WDR20: variants seen among roughly 807,000 people sequenced by gnomAD.
The protein encoded by WDR20 is WD repeat domain 20, also known as WD repeat-containing protein 20.
A neutral mutation model predicts 38.7 loss-of-function variants in WDR20; 3 were observed. That is an observed-to-expected ratio of 0.08 (90% CI 0.04 to 0.20). The LOEUF (loss-of-function observed/expected upper bound fraction) is 0.20. WDR20 is among the 10% of genes least tolerant of loss of function. The pLI is 1.00. For synonymous variants in WDR20, 298 were observed against 285.6 expected, an observed-to-expected ratio of 1.04 and a Z score of -0.44; for missense variants, 559 against 727.7, an observed-to-expected ratio of 0.77 and a Z score of 2.67.
At chr14:102,196,982 C>G (rs988800974) in intron 2 of WDR20, among the ~76,000 whole-genome samples, 1 of 152,140 alleles carries the variant, frequency 6.6e-6, no homozygotes, top group African/African-American at 2.4e-5. Context: ...GTCAGAATGT[C>G]TAAGAGCAAG....
At chr14:102,154,440 G>T (rs2056891382) in intron 1 of WDR20, among the ~76,000 whole-genome samples, 1 of 152,098 alleles carries the variant, frequency 6.6e-6, no homozygotes, top group Non-Finnish European at 1.5e-5. Flanking sequence ...CCATCCATGG[G>T]AGCCACACCA....
intron 1 of WDR20, among the ~76,000 whole-genome samples, chr14:102,161,142 A>ATATATATATT (rs1342924049): frequency 3.7e-4 from 6 of 16,052 alleles, no homozygotes; most frequent in African/African-American, 1.6e-3. Context: ...ATATATATAT[A>ATATATATATT]TTTTTTTTTT....
At chr14:102,181,213 G>T (rs1358137306) in intron 1 of WDR20, among the ~76,000 whole-genome samples, 1 of 152,084 alleles carries the variant, frequency 6.6e-6, no homozygotes. Flanking sequence ...TCATGGCACT[G>T]TGTTATAAAT....
At chr14:102,143,608 A>G (rs940943526) in intron 1 of WDR20, among the ~76,000 whole-genome samples, 2 of 151,662 alleles carry the variant, frequency 1.3e-5, no homozygotes, top group Admixed American at 1.3e-4. Context: ...GCAGTGGCAC[A>G]ATCTCGGCTC....
chr14:102,147,724 TATTTTAGTTTTA>T (rs2054159308), intron 1 of WDR20, among the ~76,000 whole-genome samples: 1 of 152,166 alleles, frequency 6.6e-6, no homozygotes, highest in South Asian at 2.1e-4. Context: ...TGTTTTATTT[TATTTTAGTTTTA>T]GTTTTAGTTT....
intron 2 of WDR20, among the ~76,000 whole-genome samples, chr14:102,202,372 GTTTTTTT>G (rs5811062): frequency 3.0e-5 from 2 of 67,632 alleles, no homozygotes; most frequent in Admixed American, 4.7e-4. Flanking sequence ...CTGTATGGAG[GTTTTTTT>G]TTTTTTTTTT....
chr14:102,172,230 T>G (rs1279791778), intron 1 of WDR20, among the ~76,000 whole-genome samples: 2 of 144,644 alleles, frequency 1.4e-5, no homozygotes, highest in African/African-American at 2.4e-5. Context: ...GGGGGTAAGG[T>G]CACAGATCAA....
intron 1 of WDR20, among the ~76,000 whole-genome samples, chr14:102,187,933 C>T (rs1468753996): frequency 6.6e-6 from 1 of 152,124 alleles, no homozygotes; most frequent in Non-Finnish European, 1.5e-5. Flanking sequence ...GGTCTGCCTG[C>T]ATTAGGCACT....
intron 1 of WDR20, among the ~76,000 whole-genome samples, chr14:102,190,524 C>T (rs573407456): frequency 6.6e-6 from 1 of 151,950 alleles, no homozygotes; most frequent in African/African-American, 2.4e-5. Context: ...ACCCGGGAGG[C>T]AGAGGTTACA....
At position 102,223,125 on chromosome 14, in the gene WDR20, T is replaced by C. The variant is rs1018968431; in HGVS notation, c.*242T>C. On this transcript the variant is annotated 3_prime_UTR_variant, in exon 4 of 4. Coordinates refer to the WDR20 transcript ENST00000335263. Reference sequence around the variant, plus strand: ...GCAGTAAAAAATAAGAAATGGAGTTTTCTTGCTTTTTACTCTAAAATTCAA... The same window carrying C: ...GCAGTAAAAAATAAGAAATGGAGTTCTCTTGCTTTTTACTCTAAAATTCAA... The C allele has an allele frequency of 1.8e-5, 7 of 391,354 alleles. No individual in the cohort carries two copies. In the East Asian group the frequency reaches 3.1e-4, roughly 17 times the overall value. 24.2% of individuals were successfully genotyped at this position (391,354 alleles called of 1,614,324 possible). A position where few individuals can be genotyped will look rare whatever the true frequency, so the allele number is the denominator to read the frequency against.
intron 1 of WDR20, among the ~76,000 whole-genome samples, chr14:102,166,912 T>C (rs895465414): frequency 2.0e-5 from 3 of 152,216 alleles, no homozygotes; most frequent in Admixed American, 2.0e-4. Flanking sequence ...CTGGGCACTG[T>C]ACAGCCTCTG....
At chr14:102,211,714 C>T (rs1196438673), downstream of WDR20, among the ~76,000 whole-genome samples, 2 of 152,188 alleles carry the variant, frequency 1.3e-5, no homozygotes, top group Non-Finnish European at 2.9e-5. This position sits in a 1 kb window ranked among gnomAD's most constrained non-coding sequence, Gnocchi z 4.2. Context: ...CAAATTGGGT[C>T]ATGTGGAGAG....
intron 1 of WDR20, among the ~76,000 whole-genome samples, chr14:102,143,601 G>A (rs2052332684): frequency 6.6e-6 from 1 of 151,394 alleles, no homozygotes; most frequent in Non-Finnish European, 1.5e-5. Context: ...GTGGAGTGCA[G>A]TGGCACAATC....
At chr14:102,184,270 T>A (rs2064034105) in intron 1 of WDR20, among the ~76,000 whole-genome samples, 1 of 152,214 alleles carries the variant, frequency 6.6e-6, no homozygotes, top group African/African-American at 2.4e-5. Flanking sequence ...TGCCTTGCGA[T>A]AGGAGATCTA....
At chr14:102,166,533 T>C (rs1216056342) in intron 1 of WDR20, among the ~76,000 whole-genome samples, 2 of 152,256 alleles carry the variant, frequency 1.3e-5, no homozygotes, top group Non-Finnish European at 1.5e-5. Flanking sequence ...TATCAGTTTC[T>C]GATAGATGTG....
At chr14:102,192,748 C>G (rs967617120) in intron 1 of WDR20, among the ~76,000 whole-genome samples, 3 of 152,044 alleles carry the variant, frequency 2.0e-5, no homozygotes, top group Admixed American at 2.0e-4. Flanking sequence ...TCTGGCCAGC[C>G]TTTAAATTGA....
downstream of WDR20, among the ~76,000 whole-genome samples, chr14:102,218,757 C>T (rs74594222): frequency 1.4e-3 from 212 of 152,314 alleles, 1 homozygote; most frequent in East Asian, 0.026. Context: ...GTTCCTCTCA[C>T]GGTGTGGGGG....
chr14:102,150,831 A>G (rs1035133692), intron 1 of WDR20, among the ~76,000 whole-genome samples: 2 of 152,236 alleles, frequency 1.3e-5, no homozygotes, highest in Non-Finnish European at 2.9e-5. Context: ...TCACACACTC[A>G]TTCTAAGAGG....
chr14:102,223,182 AC>A (rs2064109951), exon 4 of WDR20: 2 of 170,204 alleles, frequency 1.2e-5, no homozygotes, highest in South Asian at 3.7e-4. Context: ...TATAATATAT[AC>A]ATATATACAT....
Sources: allele counts gnomAD v4.1 joint callset (sites outside exome capture counted in the v4.1 genomes callset), GRCh38; gene constraint gnomAD v4.1.1; non-coding constraint Gnocchi (gnomAD v3.1); transcripts MANE v1.5; gene names NCBI Gene and HGNC (gene_info 2026-07-23, HGNC 2026-07-21).